SNX13: variants seen among roughly 807,000 people sequenced by gnomAD.
The protein encoded by SNX13 is sorting nexin 13.
A neutral mutation model predicts 133.6 loss-of-function variants in SNX13; 45 were observed. That is an observed-to-expected ratio of 0.34 (90% confidence interval 0.27 to 0.43). SNX13 has a LOEUF of 0.43. Ranked by LOEUF, SNX13 falls within the 20% of genes least tolerant of loss-of-function variation. The pLI is 1.00. For missense variants in SNX13, 1,032 were observed against 1,145.1 expected (o/e 0.90, Z 1.43); for synonymous variants, 414 against 373.9 (o/e 1.11, Z -1.24).
chr7:17,866,493 C>T (rs1014620569), intron 9 of SNX13, among the ~76,000 whole-genome samples: 1 of 151,904 alleles, frequency 6.6e-6, no homozygotes. Context: ...ATAACAAATG[C>T]TTGCAAGTAT....
At position 17,794,040 on chromosome 7, in the gene SNX13, G is replaced by C; in HGVS notation, c.*5C>G. On this transcript the variant is annotated 3_prime_UTR_variant, in exon 26 of 26. Transcript: ENST00000428135. ...AAATGAACACCAGCTTCATAGAGTG[G>C]AGTGTCACCTTTTCTGCAAAGAAGG... 6.2e-7 allele frequency: 1 copy of C among 1,610,448 alleles called. No individual in the cohort carries two copies. Among genetic ancestry groups the C allele is most frequent in the Non-Finnish European group, 8.5e-7 (1 of 1,177,680 alleles).
At chr7:17,840,500 T>C (rs1789744413) in intron 12 of SNX13, among the ~76,000 whole-genome samples, 2 of 152,016 alleles carry the variant, frequency 1.3e-5, no homozygotes, top group East Asian at 3.8e-4. Flanking sequence ...AAATCCCTCA[T>C]GTACACATGA....
intron 2 of SNX13, among the ~76,000 whole-genome samples, chr7:17,896,388 G>T (rs1433262418): frequency 6.6e-6 from 1 of 152,080 alleles, no homozygotes; most frequent in Non-Finnish European, 1.5e-5. Flanking sequence ...CCTATAGAAA[G>T]ACTACAACAT....
At chr7:17,860,447 G>T (rs989079928) in intron 9 of SNX13, among the ~76,000 whole-genome samples, 2 of 152,078 alleles carry the variant, frequency 1.3e-5, no homozygotes, top group Admixed American at 1.3e-4. Flanking sequence ...TTTCACTCTG[G>T]TGATTGTTCC....
At chr7:17,904,635 T>C (rs756570868) in intron 1 of SNX13, among the ~76,000 whole-genome samples, 54 of 152,242 alleles carry the variant, frequency 3.5e-4, no homozygotes, top group Non-Finnish European at 7.1e-4. Context: ...CTCCAACTTA[T>C]ATTCACCTGG....
intron 20 of SNX13, among the ~76,000 whole-genome samples, chr7:17,805,250 T>TGTGTGTGTGTGTGTGCACGCGCGC: frequency 2.1e-5 from 2 of 95,560 alleles, no homozygotes; most frequent in African/African-American, 3.1e-5. Context: ...TGTGTGTGTG[T>TGTGTGTGTGTGTGTGCACGCGCGC]GCGTGCGCGC....
chr7:17,846,209 T>A (rs1790503587), intron 11 of SNX13, among the ~76,000 whole-genome samples: 1 of 151,980 alleles, frequency 6.6e-6, no homozygotes, highest in Non-Finnish European at 1.5e-5. Flanking sequence ...CAGACATACT[T>A]TTCAAAGTCA....
chr7:17,857,542 T>C (rs1339224109), intron 9 of SNX13, among the ~76,000 whole-genome samples: 1 of 152,154 alleles, frequency 6.6e-6, no homozygotes, highest in Non-Finnish European at 1.5e-5. Context: ...CCCAGCACTT[T>C]GGGAGGCCGA....
At chr7:17,798,874 C>A (rs1361756478) in intron 23 of SNX13, 116 bp from the exon 24 acceptor site, 4 of 1,224,326 alleles carry the variant, frequency 3.3e-6, no homozygotes, top group African/African-American at 3.1e-5. Context: ...CTGAGAGCAA[C>A]AGACTGCTTT....
At chr7:17,877,932 A>G (rs1794910784) in intron 5 of SNX13, among the ~76,000 whole-genome samples, 1 of 152,062 alleles carries the variant, frequency 6.6e-6, no homozygotes, top group African/African-American at 2.4e-5. Flanking sequence ...GAAGAACAAT[A>G]GCACACTTCT....
At position 17,883,838 on chromosome 7, in the gene SNX13, T is replaced by C. The variant is rs750557048; in HGVS notation, c.440+6525A>G. Among the ~76,000 whole-genome samples the C allele has an allele frequency of 9.2e-5, 14 of 152,248 alleles. No individual in the cohort carries two copies. In the South Asian group the frequency reaches 1.2e-3, roughly 14 times the overall value. On this transcript the variant is annotated intron_variant, in intron 5 of 25. Coordinates refer to ENST00000428135, the MANE Select transcript of SNX13 (RefSeq NM_015132.5). ...TACGGTGTTTGGTTTTCTGTTCTTG[T>C]GTTAGTTTGCTGAGAATGATGGTTT...
At chr7:17,794,851 C>T (rs2128281471) in intron 25 of SNX13, 1 of 151,590 alleles carries the variant, frequency 6.6e-6, no homozygotes, top group African/African-American at 2.4e-5. Context: ...TCTACAAAAA[C>T]CCCTGGCATA....
At chr7:17,883,691 C>T (rs1460706394) in intron 5 of SNX13, among the ~76,000 whole-genome samples, 1 of 152,094 alleles carries the variant, frequency 6.6e-6, no homozygotes, top group Non-Finnish European at 1.5e-5. Flanking sequence ...AGGTACTTAT[C>T]CTAATGCTAT....
At chr7:17,939,951 G>C (rs75228782) in intron 1 of SNX13, among the ~76,000 whole-genome samples, 6 of 152,098 alleles carry the variant, frequency 3.9e-5, no homozygotes, top group Non-Finnish European at 7.4e-5. Context: ...AACGTGGAAA[G>C]GCCAACGCTG....
At chr7:17,915,595 C>G (rs1799464291) in intron 1 of SNX13, among the ~76,000 whole-genome samples, 1 of 148,370 alleles carries the variant, frequency 6.7e-6, no homozygotes, top group Non-Finnish European at 1.5e-5. Flanking sequence ...ACTCACCTGA[C>G]CTTGGAGGTG....
chr7:17,935,221 T>C (rs1477096786), intron 1 of SNX13, among the ~76,000 whole-genome samples: 1 of 152,184 alleles, frequency 6.6e-6, no homozygotes, highest in Non-Finnish European at 1.5e-5. Context: ...TGCTACAACA[T>C]GAACGAACAT....
intron 9 of SNX13, among the ~76,000 whole-genome samples, chr7:17,857,182 C>T (rs1192664856): frequency 6.6e-6 from 1 of 152,004 alleles, no homozygotes; most frequent in Admixed American, 6.6e-5. Context: ...CAGCAATAAA[C>T]CATAAAGAAA....
chr7:17,938,626 GT>G (rs1802389823), intron 1 of SNX13, among the ~76,000 whole-genome samples: 1 of 152,190 alleles, frequency 6.6e-6, no homozygotes, highest in Non-Finnish European at 1.5e-5. Context: ...TTGATTTACT[GT>G]TTAAAATATT....
chr7:17,913,194 C>A (rs1799185025), intron 1 of SNX13, among the ~76,000 whole-genome samples: 1 of 152,198 alleles, frequency 6.6e-6, no homozygotes, highest in South Asian at 2.1e-4. Flanking sequence ...TCAAAGGAAA[C>A]ACAAGTGTGG....
Sources: gnomAD v4.1 joint callset for allele counts (sites outside exome capture counted in the v4.1 genomes callset) on GRCh38, gnomAD v4.1.1 for gene constraint, MANE v1.5 for transcripts, NCBI Gene and HGNC (gene_info 2026-07-23, HGNC 2026-07-21) for gene names.